ZNF385B: variants seen among roughly 807,000 people sequenced by gnomAD.
The protein encoded by ZNF385B is zinc finger protein 533.
Under a neutral mutation model 39.2 loss-of-function variants are expected in ZNF385B, and 23 were observed. The observed-to-expected ratio is 0.59, with a 90% CI of 0.42 to 0.83. The LOEUF is 0.83. ZNF385B is among the 40% of genes least tolerant of loss of function. The pLI is 0.00. For missense variants in ZNF385B, 552 were observed against 598.9 expected (o/e 0.92, Z 0.82); for synonymous variants, 205 against 222.6 (o/e 0.92, Z 0.70).
chr2:179,729,747 G>C (rs1575365845), intron 3 of ZNF385B, among the ~76,000 whole-genome samples: 2 of 152,178 alleles, frequency 1.3e-5, no homozygotes, highest in Non-Finnish European at 2.9e-5. Context: ...GCAGAGACCA[G>C]GTGGGAGGTG....
chr2:179,756,766 C>A (rs549315982), intron 3 of ZNF385B, among the ~76,000 whole-genome samples: 1 of 152,142 alleles, frequency 6.6e-6, no homozygotes, highest in Non-Finnish European at 1.5e-5. Context: ...TTGATCGAAT[C>A]GGCTAGTGAG....
intron 3 of ZNF385B, among the ~76,000 whole-genome samples, chr2:179,554,289 G>A (rs2060768828): frequency 6.7e-6 from 1 of 149,402 alleles, no homozygotes. Flanking sequence ...AGGTTCAAGA[G>A]AGAAAGAAAT....
At chr2:179,690,306 G>A (rs1575241152) in intron 3 of ZNF385B, among the ~76,000 whole-genome samples, 1 of 152,094 alleles carries the variant, frequency 6.6e-6, no homozygotes, top group African/African-American at 2.4e-5. Context: ...CTAGCTTCAC[G>A]GAAAAGTGAT....
rs56131510 is a variant in ZNF385B at position 179,720,925 on chromosome 2, GT to G, written c.298+48577del. Among the ~76,000 whole-genome samples, 601 of 70,160 alleles carry G rather than the reference GT, an allele frequency of 8.6e-3. 1 individual carries two copies. Among genetic ancestry groups the G allele is most frequent in the African/African-American group, 0.028 (508 of 18,146 alleles). The allele number at this position is 70,160 out of a possible 152,430, so 46.0% of individuals were successfully genotyped here. On this transcript the variant is annotated intron_variant, in intron 3 of 9. Coordinates refer to ENST00000410066, the MANE Select transcript of ZNF385B (RefSeq NM_152520.6). ...CAGTTGTGTGCCACCATGCCTGGCTGTTTTTTTTTTTTTTTTTTTTTTTTGG... is the reference window on the plus strand; with the variant it reads ...CAGTTGTGTGCCACCATGCCTGGCTGTTTTTTTTTTTTTTTTTTTTTTTGG...
At chr2:179,702,493 G>A (rs776824538) in intron 3 of ZNF385B, among the ~76,000 whole-genome samples, 14 of 152,122 alleles carry the variant, frequency 9.2e-5, no homozygotes, top group African/African-American at 1.4e-4. Context: ...CGATCCACGT[G>A]CTAAACAAGT....
intron 6 of ZNF385B, among the ~76,000 whole-genome samples, chr2:179,470,028 T>C (rs2052560267): frequency 6.6e-6 from 1 of 152,194 alleles, no homozygotes; most frequent in Non-Finnish European, 1.5e-5. Flanking sequence ...GCCTGAACTT[T>C]TGACTCAGTG....
chr2:179,684,849 C>A (rs1356638027), intron 3 of ZNF385B, among the ~76,000 whole-genome samples: 1 of 152,178 alleles, frequency 6.6e-6, no homozygotes, highest in African/African-American at 2.4e-5. Flanking sequence ...ACACTGAATG[C>A]AAGTTTACTT....
intron 3 of ZNF385B, among the ~76,000 whole-genome samples, chr2:179,581,578 T>C (rs55827823): frequency 0.011 from 1,622 of 152,314 alleles, 10 homozygotes; most frequent in Non-Finnish European, 0.015. Context: ...GAGAATGTCA[T>C]TTGGTGAGCA....
At chr2:179,718,522 TATC>T (rs1281187721) in intron 3 of ZNF385B, among the ~76,000 whole-genome samples, 3 of 148,098 alleles carry the variant, frequency 2.0e-5, no homozygotes, top group Middle Eastern at 3.3e-3. Context: ...TTATATATAT[TATC>T]ATAAAGAGAG....
chr2:179,511,963 G>A (rs2105779333), intron 5 of ZNF385B, among the ~76,000 whole-genome samples: 1 of 152,268 alleles, frequency 6.6e-6, no homozygotes, highest in South Asian at 2.1e-4. Flanking sequence ...TGTTTATTAT[G>A]TTATTCAAAG....
intron 1 of ZNF385B, among the ~76,000 whole-genome samples, chr2:179,779,051 G>T (rs1043912587): frequency 6.6e-6 from 1 of 152,158 alleles, no homozygotes; most frequent in African/African-American, 2.4e-5. Context: ...CTCTTAAATT[G>T]ATTATATTTA....
In ZNF385B at chr2:179,461,469, A is replaced by G. The variant is rs77442912; in HGVS notation, c.716-14699T>C. 6.3e-3 allele frequency among the ~76,000 whole-genome samples: 952 copies of G among 152,316 alleles called. 25 individuals carry two copies. The East Asian group carries it at 0.077, about 12-fold the overall frequency. ...CTTATTCATTAGGTGTGGGACATTA[A>G]AGAAAGAGAGGAATCAAGTCTCATT... is the stretch of plus-strand genomic sequence containing the variant. On this transcript the variant is annotated intron_variant, in intron 6 of 9. Coordinates refer to ENST00000410066, the MANE Select transcript of ZNF385B (RefSeq NM_152520.6).
chr2:179,545,840 C>T (rs2060197732), intron 3 of ZNF385B, among the ~76,000 whole-genome samples: 1 of 152,010 alleles, frequency 6.6e-6, no homozygotes, highest in Non-Finnish European at 1.5e-5. Flanking sequence ...ATAATAATCA[C>T]CTCAGGGTAA....
At chr2:179,699,190 T>C (rs183678544) in intron 3 of ZNF385B, among the ~76,000 whole-genome samples, 234 of 152,284 alleles carry the variant, frequency 1.5e-3, no homozygotes, top group African/African-American at 5.3e-3. Flanking sequence ...TATATTCATA[T>C]TGTTATACAA....
chr2:179,464,866 C>T (rs2051810973), intron 6 of ZNF385B, among the ~76,000 whole-genome samples: 1 of 152,022 alleles, frequency 6.6e-6, no homozygotes, highest in African/African-American at 2.4e-5. Context: ...CCTATAGCTT[C>T]AACTACTTCC....
intron 3 of ZNF385B, among the ~76,000 whole-genome samples, chr2:179,548,593 G>A (rs1242237498): frequency 1.3e-5 from 2 of 149,438 alleles, no homozygotes; most frequent in Non-Finnish European, 3.0e-5. Context: ...AAGAAAAAGA[G>A]GTTTAATGGA....
chr2:179,835,173 G>A (rs1263740248), intron 1 of ZNF385B, among the ~76,000 whole-genome samples: 2 of 152,124 alleles, frequency 1.3e-5, no homozygotes, highest in African/African-American at 2.4e-5. Flanking sequence ...AGTATTTAAG[G>A]GTGAAATGTC....
intron 5 of ZNF385B, among the ~76,000 whole-genome samples, chr2:179,489,620 G>A (rs1490972863): frequency 6.6e-6 from 1 of 152,172 alleles, no homozygotes; most frequent in African/African-American, 2.4e-5. Flanking sequence ...AGATAAAACT[G>A]TTTTTACTAT....
At chr2:179,494,155 G>C (rs1457547818) in intron 5 of ZNF385B, among the ~76,000 whole-genome samples, 1 of 152,094 alleles carries the variant, frequency 6.6e-6, no homozygotes, top group Non-Finnish European at 1.5e-5. Context: ...TTTTCACAGA[G>C]ACCTGAATGA....
Sources: gnomAD v4.1 joint callset for allele counts (sites outside exome capture counted in the v4.1 genomes callset) on GRCh38, gnomAD v4.1.1 for gene constraint, MANE v1.5 for transcripts, NCBI Gene and HGNC (gene_info 2026-07-23, HGNC 2026-07-21) for gene names.